The following ZNF512 variants were observed in gnomAD, a reference collection of about 807,000 sequenced individuals.
ZNF512 encodes zinc finger protein 512.
A neutral mutation model predicts 77.5 loss-of-function variants in ZNF512; 25 were observed. The observed-to-expected ratio is 0.32, with a 90% confidence interval of 0.23 to 0.45. ZNF512 has a LOEUF of 0.45. Among genes scored for constraint, ZNF512 ranks in the 20% least tolerant of loss-of-function variants. ZNF512 has a pLI of 1.00. For synonymous variants in ZNF512, 246 were observed against 239.9 expected (o/e 1.03, Z -0.24); for missense variants, 483 against 692.6 (o/e 0.70, Z 3.40).
chr2:27,594,451 A>G (rs1426703432), intron 2 of ZNF512, among the ~76,000 whole-genome samples: 2 of 136,780 alleles, frequency 1.5e-5, no homozygotes, highest in Non-Finnish European at 3.1e-5. Flanking sequence ...CTCACCTCCC[A>G]GACGGGGTGG....
chr2:27,603,590 A>T (rs945095058), intron 9 of ZNF512, among the ~76,000 whole-genome samples: 59 of 85,626 alleles, frequency 6.9e-4, no homozygotes, highest in Middle Eastern at 6.3e-3. Context: ...GTGTGTGTAT[A>T]TTTTTTTTTT....
At chr2:27,590,743 G>A (rs1671532671) in intron 2 of ZNF512, among the ~76,000 whole-genome samples, 1 of 151,948 alleles carries the variant, frequency 6.6e-6, no homozygotes, top group Admixed American at 6.6e-5. Flanking sequence ...ATTGCTTGCT[G>A]GGCTGAAGTG....
chr2:27,590,132 C>G (rs1414674136), intron 2 of ZNF512, among the ~76,000 whole-genome samples: 1 of 152,176 alleles, frequency 6.6e-6, no homozygotes, highest in Non-Finnish European at 1.5e-5. Context: ...CTAGTTCTAT[C>G]AGTTGCTGAA....
intron 13 of ZNF512, among the ~76,000 whole-genome samples, 191 bp from the exon 14 acceptor site, chr2:27,620,962 T>A (rs908448195): frequency 2.0e-5 from 3 of 152,202 alleles, no homozygotes; most frequent in Non-Finnish European, 2.9e-5. Flanking sequence ...TTACAAAATA[T>A]GTGCTTGTAA....
chr2:27,594,356 C>T (rs193060131), intron 2 of ZNF512, among the ~76,000 whole-genome samples: 1,488 of 143,804 alleles, frequency 0.01, 19 homozygotes, highest in African/African-American at 0.036. Context: ...CGGGCGGAGG[C>T]GCTCCTCACC....
chr2:27,608,569 G>A (rs1426231051), intron 10 of ZNF512, among the ~76,000 whole-genome samples: 1 of 152,046 alleles, frequency 6.6e-6, no homozygotes, highest in Non-Finnish European at 1.5e-5. Context: ...GCATACTTCT[G>A]AGGGGTGCAG....
chr2:27,601,375 A>C lies in ZNF512; in HGVS notation c.602A>C (p.His201Pro). ...NCKQEMFTCH[H>P]CGKQLRSLAG... Reference sequence around the variant, plus strand: ...TTCTAGGAAATGTTTACTTGTCATCATTGTGGGAAACAACTTCGTTCACTG... The same window carrying C: ...TTCTAGGAAATGTTTACTTGTCATCCTTGTGGGAAACAACTTCGTTCACTG... Residue 201 changes from histidine to proline, a missense_variant, in exon 7 of 14, where the codon CAT (histidine) becomes CCT (proline). Coordinates refer to ENST00000355467, the MANE Select transcript of ZNF512 (RefSeq NM_032434.4). 1.9e-6 allele frequency: 3 copies of C among 1,614,078 alleles called. No homozygotes were observed. Among genetic ancestry groups the C allele is most frequent in the Non-Finnish European group, 2.5e-6 (3 of 1,179,978 alleles).
intron 7 of ZNF512, 67 bp downstream of exon 7, chr2:27,601,509 C>T (rs1672113057): frequency 7.4e-7 from 1 of 1,348,198 alleles, no homozygotes; most frequent in Admixed American, 1.8e-5. Flanking sequence ...GAGTCTCACT[C>T]TGTTGCCCAG....
chr2:27,619,352 G>A (rs1252375026), intron 13 of ZNF512, among the ~76,000 whole-genome samples: 1 of 151,908 alleles, frequency 6.6e-6, no homozygotes, highest in Non-Finnish European at 1.5e-5. Flanking sequence ...GCAGTGAGCC[G>A]AGATTGCGCC....
chr2:27,614,195 A>G (rs1274645105), intron 10 of ZNF512, among the ~76,000 whole-genome samples: 1 of 152,090 alleles, frequency 6.6e-6, no homozygotes, highest in Non-Finnish European at 1.5e-5. Context: ...CCATTGTCAA[A>G]GCAGAAAGAT....
At chr2:27,602,760 G>A (rs1414996904) in intron 8 of ZNF512, among the ~76,000 whole-genome samples, 199 bp downstream of exon 8, 1 of 151,794 alleles carries the variant, frequency 6.6e-6, no homozygotes, top group East Asian at 1.9e-4. Context: ...GTTTGATGGG[G>A]TTTCCTTACC....
chr2:27,589,218 C>T (rs146125628), intron 2 of ZNF512, among the ~76,000 whole-genome samples: 441 of 152,228 alleles, frequency 2.9e-3, no homozygotes, highest in African/African-American at 0.01. Context: ...CAATGGCATT[C>T]AGCAGTGAAA....
intron 2 of ZNF512, among the ~76,000 whole-genome samples, chr2:27,591,982 T>C (rs1671605304): frequency 6.6e-6 from 1 of 152,234 alleles, no homozygotes. Flanking sequence ...TTGAATAGTT[T>C]CTTATTTATT....
chr2:27,614,416 C>T (rs1424062800), intron 10 of ZNF512, among the ~76,000 whole-genome samples: 1 of 152,140 alleles, frequency 6.6e-6, no homozygotes, highest in Non-Finnish European at 1.5e-5. Context: ...TCTCTCACAT[C>T]CCTGTTTTAT....
chr2:27,608,107 A>G, intron 10 of ZNF512, 68 bp downstream of exon 10: 1 of 1,414,346 alleles, frequency 7.1e-7, no homozygotes, highest in Non-Finnish European at 9.4e-7. Context: ...TACACAGAGA[A>G]GTAAATGCAC....
intron 9 of ZNF512, 88 bp downstream of exon 9, chr2:27,603,395 C>A: frequency 7.2e-7 from 1 of 1,381,020 alleles, no homozygotes; most frequent in Non-Finnish European, 9.9e-7. Flanking sequence ...GTGTTTGGTT[C>A]CTCATTTGTA....
At chr2:27,602,432 C>T (rs375989152) in intron 7 of ZNF512, 31 bp from the exon 8 acceptor site, 70 of 1,593,498 alleles carry the variant, frequency 4.4e-5, no homozygotes, top group Non-Finnish European at 5.7e-5. Flanking sequence ...TTCCATGAAT[C>T]ATCTTCTTGT....
chr2:27,597,307 C>G (rs1671913106), intron 2 of ZNF512, among the ~76,000 whole-genome samples: 3 of 152,202 alleles, frequency 2.0e-5, no homozygotes, highest in Admixed American at 2.0e-4. Flanking sequence ...AACCATAAAT[C>G]TAAAGTAGGC....
At chr2:27,602,630 A>G in intron 8 of ZNF512, 69 bp downstream of exon 8, 1 of 1,360,998 alleles carries the variant, frequency 7.3e-7, no homozygotes, top group Non-Finnish European at 1.0e-6. Context: ...TCTTCTTTCC[A>G]TTTCTTCTCT....
Sources: gnomAD v4.1 joint callset for allele counts (sites outside exome capture counted in the v4.1 genomes callset) on GRCh38, gnomAD v4.1.1 for gene constraint, MANE v1.5 for transcripts, NCBI Gene and HGNC (gene_info 2026-07-23, HGNC 2026-07-21) for gene names.